Variants in ARHGEF7 observed in about 807,000 individuals in gnomAD.
ARHGEF7 encodes PAK-interacting exchange factor beta.
A neutral mutation model predicts 109.8 loss-of-function variants in ARHGEF7; 33 were observed. The ratio of observed to expected loss-of-function variants is 0.30; its 90% CI spans 0.23 to 0.40. The LOEUF is 0.40. Ranked by LOEUF, ARHGEF7 falls within the 10% of genes least tolerant of loss-of-function variation. The pLI is 1.00. For missense variants in ARHGEF7, 938 were observed against 1,098.5 expected, an observed-to-expected ratio of 0.85 and a Z score of 2.07; for synonymous variants, 458 against 424.6, an observed-to-expected ratio of 1.08 and a Z score of -0.97.
chr13:111,265,439 T>C (rs1260197587), intron 8 of ARHGEF7: 1 of 379,448 alleles, frequency 2.6e-6, no homozygotes, highest in Non-Finnish European at 5.3e-6. Context: ...AGGTTTTTCC[T>C]AATACTTGTG....
chr13:111,233,009 G>A (rs2086308905), intron 5 of ARHGEF7, among the ~76,000 whole-genome samples, 196 bp from the exon 6 acceptor site: 1 of 152,120 alleles, frequency 6.6e-6, no homozygotes, highest in South Asian at 2.1e-4. Flanking sequence ...GCTGTGATTG[G>A]CCTTGGTGAG....
intron 2 of ARHGEF7, among the ~76,000 whole-genome samples, chr13:111,170,474 A>G (rs1181842957): frequency 2.0e-5 from 3 of 152,188 alleles, no homozygotes; most frequent in Non-Finnish European, 2.9e-5. Flanking sequence ...CTTCCTTCTT[A>G]CTGGAATTTC....
At chr13:111,215,815 C>G (rs116823994) in intron 4 of ARHGEF7, among the ~76,000 whole-genome samples, 3 of 152,118 alleles carry the variant, frequency 2.0e-5, no homozygotes, top group Admixed American at 2.0e-4. Flanking sequence ...CCAGGCTGGC[C>G]GCACAGCTGC....
intron 1 of ARHGEF7, among the ~76,000 whole-genome samples, chr13:111,127,773 T>C (rs75269713): frequency 0.013 from 1,943 of 151,334 alleles, 47 homozygotes; most frequent in African/African-American, 0.045. Flanking sequence ...AAAAATATTA[T>C]AAGAAAAGAC....
chr13:111,115,451 G>GCGC lies in ARHGEF7; in HGVS notation c.-74_-73insCCG. 1.0e-6 allele frequency: 1 copy of GCGC among 982,812 alleles called. No homozygotes were observed. Among genetic ancestry groups the GCGC allele is most frequent in the Non-Finnish European group, 1.2e-6 (1 of 828,076 alleles). The allele number at this position is 982,812 out of a possible 1,614,324, so 60.9% of individuals were successfully genotyped here. On this transcript the variant is annotated 5_prime_UTR_variant, in exon 1 of 22. Coordinates refer to ENST00000646102, the MANE Select transcript of ARHGEF7 (RefSeq NM_001354046.2). ...GATGGGCGAGGCGGCGGCGGCGGCG[G>GCGC]CGGGGGCCGCGGGCCGGGCCGCCGC...
chr13:111,290,237 G>A (rs1034555113), intron 18 of ARHGEF7, among the ~76,000 whole-genome samples: 21 of 152,314 alleles, frequency 1.4e-4, no homozygotes, highest in African/African-American at 4.8e-4. Flanking sequence ...AACCGTGTCT[G>A]TGAGTTCTGC....
At chr13:111,146,260 G>C (rs753115272) in intron 1 of ARHGEF7, among the ~76,000 whole-genome samples, 6 of 152,212 alleles carry the variant, frequency 3.9e-5, no homozygotes, top group African/African-American at 2.4e-5. Context: ...TATACCACTA[G>C]GTTCTCTAAG....
chr13:111,151,510 G>A (rs1041740347), intron 1 of ARHGEF7, among the ~76,000 whole-genome samples: 11 of 152,106 alleles, frequency 7.2e-5, no homozygotes, highest in African/African-American at 2.7e-4. Flanking sequence ...ATTGGTTGTC[G>A]TCTCATGAAT....
intron 9 of ARHGEF7, among the ~76,000 whole-genome samples, chr13:111,269,032 C>T (rs1303036307): frequency 1.3e-5 from 2 of 152,194 alleles, no homozygotes; most frequent in Non-Finnish European, 2.9e-5. Context: ...TTAGAACTCA[C>T]AGCAGTGGCA....
At chr13:111,218,027 C>G (rs2083343242) in intron 5 of ARHGEF7, 147 bp downstream of exon 5, 2 of 783,518 alleles carry the variant, frequency 2.6e-6, no homozygotes, top group South Asian at 5.4e-5. Context: ...AATGGATTTT[C>G]ACCTCAGCCC....
intron 8 of ARHGEF7, among the ~76,000 whole-genome samples, chr13:111,256,072 A>G (rs1406746817): frequency 6.6e-6 from 1 of 152,152 alleles, no homozygotes; most frequent in Non-Finnish European, 1.5e-5. Context: ...TTAAGCCATC[A>G]TTGCCTGTAT....
chr13:111,248,269 C>G (rs907909024), intron 8 of ARHGEF7, among the ~76,000 whole-genome samples: 6 of 152,036 alleles, frequency 3.9e-5, no homozygotes, highest in Non-Finnish European at 7.4e-5. Context: ...ATGATGACCT[C>G]CATTATATTC....
At chr13:111,219,768 G>C (rs919905335) in intron 5 of ARHGEF7, among the ~76,000 whole-genome samples, 9 of 152,128 alleles carry the variant, frequency 5.9e-5, no homozygotes, top group African/African-American at 9.7e-5. Context: ...GACTTGGGCA[G>C]AATTTTTTTC....
At chr13:111,269,159 T>G (rs1272503541) in intron 9 of ARHGEF7, among the ~76,000 whole-genome samples, 1 of 152,228 alleles carries the variant, frequency 6.6e-6, no homozygotes, top group Non-Finnish European at 1.5e-5. Context: ...CCCCTACCCC[T>G]GGGCTGTGTC....
chr13:111,149,790 G>A (rs1044588534), intron 1 of ARHGEF7, among the ~76,000 whole-genome samples: 3 of 152,068 alleles, frequency 2.0e-5, no homozygotes, highest in Admixed American at 6.5e-5. Flanking sequence ...CACATAACAC[G>A]GAATACTGTG....
At chr13:111,148,528 A>G (rs1449541343) in intron 1 of ARHGEF7, among the ~76,000 whole-genome samples, 1 of 152,196 alleles carries the variant, frequency 6.6e-6, no homozygotes, top group Admixed American at 6.5e-5. Flanking sequence ...CAACTTACAT[A>G]CACAGTCACC....
In ARHGEF7 at chr13:111,303,181, C is replaced by T. The variant is rs371408289; in HGVS notation, c.*68C>T. The T allele has an allele frequency of 2.7e-5, 18 of 673,140 alleles. No individual in the cohort carries two copies. Among genetic ancestry groups the T allele is most frequent in the East Asian group, 1.9e-4 (4 of 20,642 alleles). 41.7% of individuals were successfully genotyped at this position (673,140 alleles called of 1,614,324 possible). On this transcript the variant is annotated 3_prime_UTR_variant, in exon 22 of 22. Transcript: ENST00000646102. ...GAAGCTGGGCACCCCTGACCCAAGT[C>T]GGGGTGCACTCAGGACCACAGGGCA...
intron 2 of ARHGEF7, chr13:111,182,115 A>T (rs576135031): frequency 6.6e-6 from 1 of 152,182 alleles, no homozygotes; most frequent in South Asian, 2.1e-4. Flanking sequence ...AGAATTGGAG[A>T]CCAGGAGGGT....
At chr13:111,296,424 C>T (rs1304900374) in intron 19 of ARHGEF7, among the ~76,000 whole-genome samples, 1 of 152,180 alleles carries the variant, frequency 6.6e-6, no homozygotes, top group Non-Finnish European at 1.5e-5. Flanking sequence ...GAGTGGAATG[C>T]TTGCTGCAGG....
Sources: gnomAD v4.1 joint callset for allele counts (sites outside exome capture counted in the v4.1 genomes callset) on GRCh38, gnomAD v4.1.1 for gene constraint, MANE v1.5 for transcripts, NCBI Gene and HGNC (gene_info 2026-07-23, HGNC 2026-07-21) for gene names.